ART1: variants seen among roughly 807,000 people sequenced by gnomAD.
ART1 encodes ADP-ribosyltransferase 1.
ART1 carries 29 observed loss-of-function variants against 27.0 expected under a neutral mutation model. The observed-to-expected ratio is 1.08, with a 90% confidence interval of 0.80 to 1.47. ART1 has a LOEUF of 1.47. ART1 is among the 40% of genes most tolerant of loss of function. The pLI, the probability that ART1 is intolerant of heterozygous loss-of-function variation, is 0.00. For missense variants in ART1, 480 were observed against 423.0 expected (o/e 1.13, Z -1.18); for synonymous variants, 201 against 172.2 (o/e 1.17, Z -1.31).
intron 1 of ART1, among the ~76,000 whole-genome samples, chr11:3,650,511 A>G (rs558292311): frequency 1.3e-5 from 2 of 152,214 alleles, no homozygotes; most frequent in South Asian, 2.1e-4. Flanking sequence ...TTCTTAATCA[A>G]TATGGAGGCT....
rs769009481 is a variant in ART1, at chr11:3,660,351, G to C, written c.832G>C (p.Glu278Gln). ...ALGKHSTYNCEYIKDKKCKSG... is the reference protein window; with the variant it reads ...ALGKHSTYNCQYIKDKKCKSG... ...GGGCAAGCACAGCACCTACAACTGC[G>C]AGTACATCAAAGGTAGGAGGGCAAG... is the stretch of plus-strand genomic sequence containing the variant. The change falls in exon 3 of 5, where the codon GAG (glutamate) becomes CAG (glutamine). Residue 278 changes from glutamate to glutamine, a missense_variant. Coordinates refer to ENST00000250693, the MANE Select transcript of ART1 (RefSeq NM_004314.3). 6.2e-7 allele frequency: 1 copy of C among 1,600,812 alleles called. No individual in the cohort carries two copies. Among genetic ancestry groups the C allele is most frequent in the Non-Finnish European group, 8.5e-7 (1 of 1,178,554 alleles).
intron 3 of ART1, 90 bp from the exon 4 acceptor site, chr11:3,661,282 C>G (rs2077618175): frequency 8.2e-7 from 1 of 1,216,464 alleles, no homozygotes; most frequent in East Asian, 2.4e-5. Context: ...TCTCCTAGAA[C>G]AAGTCAGGGA....
chr11:3,652,227 G>A (rs184981736), intron 1 of ART1, among the ~76,000 whole-genome samples: 5,177 of 150,526 alleles, frequency 0.034, 335 homozygotes, highest in African/African-American at 0.12. Flanking sequence ...ACTTTCACTG[G>A]ATAGGTACAG....
intron 1 of ART1, among the ~76,000 whole-genome samples, chr11:3,647,031 TA>T (rs1346189691): frequency 1.3e-5 from 2 of 151,862 alleles, no homozygotes; most frequent in Non-Finnish European, 2.9e-5. Context: ...AAAATAAAAA[TA>T]AAAACAGGCC....
intron 1 of ART1, among the ~76,000 whole-genome samples, chr11:3,652,750 C>T (rs1012167749): frequency 3.3e-5 from 5 of 151,120 alleles, no homozygotes; most frequent in South Asian, 2.1e-4. Context: ...TTTACACTGC[C>T]GGTTTACACT....
intron 1 of ART1, among the ~76,000 whole-genome samples, chr11:3,647,408 G>T (rs2077477798): frequency 6.6e-6 from 1 of 151,388 alleles, no homozygotes; most frequent in Non-Finnish European, 1.5e-5. Context: ...GGCCTGGGCA[G>T]GTGGATCACC....
At chr11:3,659,122 T>G in intron 1 of ART1, 40 bp from the exon 2 acceptor site, 5 of 1,227,828 alleles carry the variant, frequency 4.1e-6, no homozygotes, top group Non-Finnish European at 5.9e-6. Flanking sequence ...TGTCGATTCA[T>G]GTTTATTAAA....
chr11:3,662,245 T>C (rs2077626881), intron 4 of ART1, among the ~76,000 whole-genome samples: 1 of 152,224 alleles, frequency 6.6e-6, no homozygotes, highest in African/African-American at 2.4e-5. Context: ...TCTCTGTGTG[T>C]ATAATAAGCA....
chr11:3,653,774 T>G (rs1410352496), intron 1 of ART1, among the ~76,000 whole-genome samples: 1 of 151,734 alleles, frequency 6.6e-6, no homozygotes, highest in Non-Finnish European at 1.5e-5. Flanking sequence ...TCAAGTCTTG[T>G]AAATTCCACC....
At chr11:3,647,343 A>AC (rs200771417) in intron 1 of ART1, among the ~76,000 whole-genome samples, 4,978 of 151,028 alleles carry the variant, frequency 0.033, 107 homozygotes, top group Non-Finnish European at 0.049. Context: ...ACAAAACAAA[A>AC]AAAAAAACGA....
At chr11:3,646,049 TG>T (rs1277381188) in intron 1 of ART1, among the ~76,000 whole-genome samples, 1 of 149,124 alleles carries the variant, frequency 6.7e-6, no homozygotes, top group Admixed American at 6.6e-5. Flanking sequence ...AGGGATGTTT[TG>T]TTTGTTTGTT....
rs1270989432 is a variant in ART1 at position 3,664,230 on chromosome 11, A to G, written c.*41A>G. ...ACAGCCTCGCCTGCTGCCTCTGCCCATCCTGAGGATGTTGGCCATGTGTGC... is the reference window on the plus strand; with the variant it reads ...ACAGCCTCGCCTGCTGCCTCTGCCCGTCCTGAGGATGTTGGCCATGTGTGC... On this transcript the variant is annotated 3_prime_UTR_variant, in exon 5 of 5. Coordinates refer to ENST00000250693, the MANE Select transcript of ART1 (RefSeq NM_004314.3). The G allele has an allele frequency of 6.3e-7, 1 of 1,580,070 alleles. No individual in the cohort carries two copies. The highest frequency in any genetic ancestry group is 1.7e-5 in the Admixed American group (1 of 59,684).
At chr11:3,652,642 T>C (rs901803928) in intron 1 of ART1, among the ~76,000 whole-genome samples, 3 of 152,078 alleles carry the variant, frequency 2.0e-5, no homozygotes, top group African/African-American at 7.3e-5. Context: ...CCAGACCAAC[T>C]TAGACTGTGC....
Position 3,660,087 on chromosome 11 carries a change from G to T in ART1, c.568G>T (p.Gly190Trp). Residue 190 changes from glycine to tryptophan, a missense_variant, in exon 3 of 5, where the codon GGG (glycine) becomes TGG (tryptophan). Physicochemically the swap from Gly to Trp is radical, Grantham distance 184. Coordinates refer to ENST00000250693, the MANE Select transcript of ART1 (RefSeq NM_004314.3). Reference sequence around the variant, plus strand: ...GCACGGCCTGCGCTTCCGGCCAGCAGGGCCCCGGGCCACCGTGAGGCTGGG... The same window carrying T: ...GCACGGCCTGCGCTTCCGGCCAGCATGGCCCCGGGCCACCGTGAGGCTGGG... ...GVHGLRFRPA[G>W]PRATVRLGGF... 6.2e-7 allele frequency: 1 copy of T among 1,613,718 alleles called. No individual in the cohort carries two copies.
At chr11:3,652,570 C>T (rs186508656) in intron 1 of ART1, among the ~76,000 whole-genome samples, 30 of 152,302 alleles carry the variant, frequency 2.0e-4, no homozygotes, top group East Asian at 9.6e-4. Context: ...CTACAAGATA[C>T]AGCCCATTTG....
intron 1 of ART1, among the ~76,000 whole-genome samples, chr11:3,648,556 T>C (rs984222403): frequency 3.3e-5 from 5 of 152,346 alleles, no homozygotes; most frequent in Middle Eastern, 3.4e-3. Context: ...TCCATTCTCT[T>C]AATTTCAATT....
chr11:3,651,321 C>T (rs1469369030), intron 1 of ART1, among the ~76,000 whole-genome samples: 2 of 151,066 alleles, frequency 1.3e-5, no homozygotes, highest in African/African-American at 4.9e-5. Flanking sequence ...ACAGACAGCC[C>T]CCATTACTTC....
chr11:3,662,323 C>T (rs1388815984), intron 4 of ART1, among the ~76,000 whole-genome samples: 1 of 152,230 alleles, frequency 6.6e-6, no homozygotes, highest in Non-Finnish European at 1.5e-5. Flanking sequence ...CCAAGGCCTA[C>T]CCAGGCCACC....
At chr11:3,647,075 C>A (rs962773793) in intron 1 of ART1, among the ~76,000 whole-genome samples, 9 of 152,102 alleles carry the variant, frequency 5.9e-5, no homozygotes, top group Admixed American at 2.0e-4. Context: ...AATCCCAGCA[C>A]TTTAGGAGGC....
Sources: allele counts gnomAD v4.1 joint callset (sites outside exome capture counted in the v4.1 genomes callset), GRCh38; gene constraint gnomAD v4.1.1; transcripts MANE v1.5; gene names NCBI Gene and HGNC (gene_info 2026-07-23, HGNC 2026-07-21).